PLCL2: variants seen among roughly 807,000 people sequenced by gnomAD.
PLCL2 encodes phospholipase C like 2, also known as inactive phospholipase C-like protein 2.
PLCL2 carries 4 observed loss-of-function variants against 79.6 expected under a neutral mutation model. That is an observed-to-expected ratio of 0.05 (90% CI 0.02 to 0.11). The LOEUF is 0.11. Ranked by LOEUF, PLCL2 falls within the 10% of genes least tolerant of loss-of-function variation. The pLI is 1.00. For synonymous variants in PLCL2, 484 were observed against 457.7 expected (o/e 1.06, Z -0.73); for missense variants, 895 against 1,291.0 (o/e 0.69, Z 4.70).
At chr3:17,045,682 A>C (rs1359710595) in intron 4 of PLCL2, among the ~76,000 whole-genome samples, 1 of 152,140 alleles carries the variant, frequency 6.6e-6, no homozygotes, top group African/African-American at 2.4e-5. Context: ...TAATAATAAA[A>C]CCATGTTGCT....
chr3:17,018,187 T>A (rs2064407153), intron 3 of PLCL2, among the ~76,000 whole-genome samples: 1 of 152,156 alleles, frequency 6.6e-6, no homozygotes, highest in Admixed American at 6.6e-5. Flanking sequence ...AGAAGGCACC[T>A]GCTGAACTTG....
At chr3:17,068,546 G>A (rs541841896) in intron 5 of PLCL2, among the ~76,000 whole-genome samples, 1 of 152,184 alleles carries the variant, frequency 6.6e-6, no homozygotes, top group South Asian at 2.1e-4. Context: ...AATTGCTATT[G>A]AAAGAAATAT....
intron 3 of PLCL2, among the ~76,000 whole-genome samples, chr3:17,023,323 A>T (rs937126418): frequency 6.6e-6 from 1 of 152,148 alleles, no homozygotes. Flanking sequence ...TCTGTGATCT[A>T]CGGGTTGTTT....
chr3:17,066,893 T>G (rs1415392929), intron 4 of PLCL2, among the ~76,000 whole-genome samples: 1 of 152,104 alleles, frequency 6.6e-6, no homozygotes, highest in Non-Finnish European at 1.5e-5. Flanking sequence ...AATAAAAAAC[T>G]AATAACATAT....
In PLCL2 at chr3:17,010,331, G is replaced by A; in HGVS notation, c.985G>A (p.Glu329Lys). 1 of 1,614,036 alleles carries A rather than the reference G, an allele frequency of 6.2e-7. No homozygotes were observed. Among genetic ancestry groups the A allele is most frequent in the Non-Finnish European group, 8.5e-7 (1 of 1,180,006 alleles). ...CAAAGCTGGTACCGAGGTCACAAAGGAAGAATTTATTGAGGTTTTTCATGA... is the reference window on the plus strand; with the variant it reads ...CAAAGCTGGTACCGAGGTCACAAAGAAAGAATTTATTGAGGTTTTTCATGA... ...KDKAGTEVTK[E>K]EFIEVFHELC... is the part of the protein sequence containing the mutation. The change falls in exon 2 of 6, where the codon GAA becomes AAA. Residue 329 changes from glutamate to lysine, a missense_variant. Physicochemically the swap from Glu to Lys is moderately conservative, Grantham distance 56. Coordinates refer to ENST00000615277, the MANE Select transcript of PLCL2 (RefSeq NM_001144382.2). This position sits in a 1 kb window ranked among gnomAD's most constrained non-coding sequence, Gnocchi z 5.8.
intron 1 of PLCL2, among the ~76,000 whole-genome samples, chr3:16,914,231 T>C (rs2124929951): frequency 6.6e-6 from 1 of 152,170 alleles, no homozygotes; most frequent in East Asian, 1.9e-4. Flanking sequence ...CTTAATATAG[T>C]CTATAAAGTT....
At chr3:16,972,285 T>C (rs567180621) in intron 1 of PLCL2, among the ~76,000 whole-genome samples, 32 of 152,276 alleles carry the variant, frequency 2.1e-4, no homozygotes, top group Middle Eastern at 6.8e-3. Flanking sequence ...AAAACCCCAT[T>C]GTCTCAGCCC....
At chr3:16,902,108 CT>C (rs1256088958) in intron 1 of PLCL2, among the ~76,000 whole-genome samples, 3 of 152,208 alleles carry the variant, frequency 2.0e-5, no homozygotes, top group African/African-American at 7.2e-5. Flanking sequence ...AGCCATCTCA[CT>C]ACAATGTATT....
chr3:16,965,994 T>C (rs552976404), intron 1 of PLCL2, among the ~76,000 whole-genome samples: 2 of 152,296 alleles, frequency 1.3e-5, no homozygotes, highest in African/African-American at 4.8e-5. Context: ...ATTTTCCTAA[T>C]TGAATACCCT....
chr3:17,014,963 G>A lies in PLCL2; in HGVS notation c.3018+52G>A, dbSNP rs115126082. ...AGCCTGGGTGAGAGAGATATCCTAAGACAACACAGCAGACATACTTTGGAG... is the reference window on the plus strand; with the variant it reads ...AGCCTGGGTGAGAGAGATATCCTAAAACAACACAGCAGACATACTTTGGAG... On this transcript the variant is annotated intron_variant, in intron 3 of 5. Transcript: ENST00000615277. 396 of 1,413,410 alleles carry A rather than the reference G, an allele frequency of 2.8e-4. No homozygotes were observed. The African/African-American group carries it at 4.9e-3, about 18-fold the overall frequency. 87.6% of individuals were successfully genotyped at this position (1,413,410 alleles called of 1,614,324 possible).
chr3:16,990,674 T>G (rs886555446), intron 1 of PLCL2, among the ~76,000 whole-genome samples: 1 of 152,222 alleles, frequency 6.6e-6, no homozygotes, highest in Non-Finnish European at 1.5e-5. Context: ...ATCTCCTTTG[T>G]GCCTTATCAA....
intron 5 of PLCL2, among the ~76,000 whole-genome samples, chr3:17,080,239 G>A (rs2065148541): frequency 6.6e-6 from 1 of 152,142 alleles, no homozygotes; most frequent in Non-Finnish European, 1.5e-5. Flanking sequence ...TGTAGGTTTA[G>A]GTGACTGATG....
chr3:16,950,663 C>T (rs945392590), intron 1 of PLCL2, among the ~76,000 whole-genome samples: 5 of 151,742 alleles, frequency 3.3e-5, no homozygotes, highest in Non-Finnish European at 7.4e-5. Flanking sequence ...AAAAAGTTTA[C>T]TATTGGCTTC....
intron 1 of PLCL2, among the ~76,000 whole-genome samples, chr3:16,932,450 A>T (rs1007133145): frequency 6.6e-6 from 1 of 152,202 alleles, no homozygotes; most frequent in African/African-American, 2.4e-5. Flanking sequence ...GTCTTAGATA[A>T]TATTGAATTC....
rs35421244 is a variant in PLCL2 at position 16,952,360 on chromosome 3, C to CAAAAAAAAAAAAAAAAAAAA, written c.328-57302_328-57283dup. On this transcript the variant is annotated intron_variant, in intron 1 of 5. Coordinates refer to ENST00000615277, the MANE Select transcript of PLCL2 (RefSeq NM_001144382.2). ...TGCACATGTATCCCAGAACTTAAAG[C>CAAAAAAAAAAAAAAAAAAAA]AAAAAAAAAAAAAAAAAAAAAAAAA... Among the ~76,000 whole-genome samples the CAAAAAAAAAAAAAAAAAAAA allele has an allele frequency of 6.6e-4, 15 of 22,624 alleles. 5 individuals are homozygous for CAAAAAAAAAAAAAAAAAAAA. Among genetic ancestry groups the CAAAAAAAAAAAAAAAAAAAA allele is most frequent in the Non-Finnish European group, 1.1e-3 (15 of 13,626 alleles). The allele number at this position is 22,624 out of a possible 152,430, so 14.8% of individuals were successfully genotyped here.
At chr3:16,967,165 T>G (rs1466099224) in intron 1 of PLCL2, among the ~76,000 whole-genome samples, 3 of 152,110 alleles carry the variant, frequency 2.0e-5, no homozygotes, top group Non-Finnish European at 2.9e-5. Flanking sequence ...CCCATTCTAC[T>G]GTTGATGGGT....
chr3:17,090,080 C>T lies in PLCL2; in HGVS notation c.*168C>T, dbSNP rs529151834. 6.4e-5 allele frequency: 84 copies of T among 1,318,722 alleles called. No individual in the cohort carries two copies. In the African/African-American group the frequency reaches 8.2e-4, roughly 13 times the overall value. 81.7% of individuals were successfully genotyped at this position (1,318,722 alleles called of 1,614,324 possible). On this transcript the variant is annotated 3_prime_UTR_variant, in exon 6 of 6. Transcript: ENST00000615277. ...ACTGTGAATGTATGTAGCAATCCTG[C>T]GTGTGAAGGCAAATAAACTCTTTAA...
intron 1 of PLCL2, among the ~76,000 whole-genome samples, chr3:16,947,991 GTCC>G (rs1366457606): frequency 1.3e-5 from 2 of 152,142 alleles, no homozygotes; most frequent in Non-Finnish European, 2.9e-5. Context: ...TGTTTTAATT[GTCC>G]TCCTTTCTAA....
intron 5 of PLCL2, among the ~76,000 whole-genome samples, chr3:17,068,588 A>G (rs2065032254): frequency 6.6e-6 from 1 of 152,194 alleles, no homozygotes; most frequent in Admixed American, 6.5e-5. Flanking sequence ...TGCTATCTCT[A>G]TGCATATCTA....
Sources: allele counts gnomAD v4.1 joint callset (sites outside exome capture counted in the v4.1 genomes callset), GRCh38; gene constraint gnomAD v4.1.1; non-coding constraint Gnocchi (gnomAD v3.1); transcripts MANE v1.5; gene names NCBI Gene and HGNC (gene_info 2026-07-23, HGNC 2026-07-21).